CYFIP1: variants seen among roughly 807,000 people sequenced by gnomAD.
CYFIP1 encodes cytoplasmic FMR1-interacting protein 1.
Under a neutral mutation model 163.5 loss-of-function variants are expected in CYFIP1, and 58 were observed. That is an observed-to-expected ratio of 0.35 (90% CI 0.29 to 0.44). The LOEUF (loss-of-function observed/expected upper bound fraction) is 0.44. Among genes scored for constraint, CYFIP1 ranks in the 20% least tolerant of loss-of-function variants. The probability of loss-of-function intolerance (pLI) is 1.00; values close to 1 mark genes in which losing one functional copy is unlikely to be tolerated. For synonymous variants in CYFIP1, 663 were observed against 660.7 expected, an observed-to-expected ratio of 1.00 and a Z score of -0.05; for missense variants, 1,338 against 1,653.8, an observed-to-expected ratio of 0.81 and a Z score of 3.31.
At chr15:22,926,186 GC>G in intron 12 of CYFIP1, 79 bp from the exon 13 acceptor site, 2 of 1,585,776 alleles carry the variant, frequency 1.3e-6, no homozygotes, top group East Asian at 4.5e-5. Context: ...CACGATGGTG[GC>G]CAAAGCCAGG....
chr15:22,954,342 G>A (rs989941381), intron 1 of CYFIP1, among the ~76,000 whole-genome samples: 9 of 152,212 alleles, frequency 5.9e-5, no homozygotes, highest in Non-Finnish European at 1.3e-4. Flanking sequence ...CCTGGCAAAT[G>A]AACACAGAGC....
At chr15:22,940,687 A>ATG (rs1242295150) in intron 6 of CYFIP1, among the ~76,000 whole-genome samples, 2 of 152,256 alleles carry the variant, frequency 1.3e-5, no homozygotes, top group African/African-American at 4.8e-5. Context: ...TGGGCTTTAA[A>ATG]TAATTGCATA....
At chr15:22,889,642 G>A (rs1008557310) in intron 23 of CYFIP1, among the ~76,000 whole-genome samples, 1 of 152,160 alleles carries the variant, frequency 6.6e-6, no homozygotes. Context: ...CCCCCCGCCT[G>A]CCTCCCTCGC....
At chr15:22,902,164 C>T (rs2060413616) in intron 22 of CYFIP1, among the ~76,000 whole-genome samples, 2 of 152,200 alleles carry the variant, frequency 1.3e-5, no homozygotes, top group African/African-American at 4.8e-5. Flanking sequence ...GTCCAGGGTC[C>T]CCCATGGGTC....
chr15:22,893,625 G>A (rs936763371), intron 22 of CYFIP1, among the ~76,000 whole-genome samples: 2 of 152,170 alleles, frequency 1.3e-5, no homozygotes, highest in Non-Finnish European at 2.9e-5. Flanking sequence ...TTCAGGAAAT[G>A]GAAACAGATG....
At chr15:22,902,843 C>T (rs1441632066) in intron 22 of CYFIP1, among the ~76,000 whole-genome samples, 4 of 152,214 alleles carry the variant, frequency 2.6e-5, no homozygotes, top group Non-Finnish European at 5.9e-5. Context: ...ACGACAGCCA[C>T]AGCAGGCAGG....
chr15:22,893,814 A>G (rs1038293488), intron 22 of CYFIP1, among the ~76,000 whole-genome samples: 1 of 152,126 alleles, frequency 6.6e-6, no homozygotes, highest in Non-Finnish European at 1.5e-5. Flanking sequence ...CACAGTCCTC[A>G]GTGCTTGGCA....
rs2142225659 is a variant in CYFIP1, at chr15:22,932,249, C to G, written c.1084G>C (p.Glu362Gln). The G allele has an allele frequency of 1.9e-6, 3 of 1,612,218 alleles. No individual in the cohort carries two copies. Among genetic ancestry groups the G allele is most frequent in the Non-Finnish European group, 2.5e-6 (3 of 1,179,144 alleles). The change falls in exon 11 of 31, where the codon GAG becomes CAG. Residue 362 changes from glutamate (E) to glutamine (Q), a missense_variant. Around this residue, in one of 4 missense-constraint regions of CYFIP1, gnomAD observed 824 missense variants for 995.7 expected, o/e 0.83. Coordinates refer to ENST00000617928, the MANE Select transcript of CYFIP1 (RefSeq NM_014608.6). ...TCGCTGTTGCTGTAGCGCGCCAGCT[C>G]CGAAATGAAGCGCATGTGGTCCTCG... ...IREDHMRFIS[E>Q]LARYSNSEVV... is the part of the protein sequence containing the mutation.
At position 22,913,548 on chromosome 15, in the gene CYFIP1, A is replaced by G. The variant is rs56203263; in HGVS notation, c.1985+1178T>C. 8.4e-3 allele frequency among the ~76,000 whole-genome samples: 1,191 copies of G among 141,486 alleles called. 30 individuals carry two copies. The highest frequency in any genetic ancestry group is 0.032 in the African/African-American group (1,093 of 34,492). 92.8% of individuals were successfully genotyped at this position (141,486 alleles called of 152,430 possible). On this transcript the variant is annotated intron_variant, in intron 17 of 30. Coordinates refer to ENST00000617928, the MANE Select transcript of CYFIP1 (RefSeq NM_014608.6). The stretch of plus-strand genomic sequence containing the variant: ...GTCTCAAAAAAAAAAAAAAAAAAAA[A>G]AAAGAAAGAAAGAAAAAAAAGAAAA...
Position 22,910,754 on chromosome 15 carries a change from A to G in CYFIP1, c.2142T>C (p.Tyr714=), listed in dbSNP as rs1423577965. 9.3e-6 allele frequency: 15 copies of G among 1,613,808 alleles called. No homozygotes were observed. Among genetic ancestry groups the G allele is most frequent in the South Asian group, 8.8e-5 (8 of 91,076 alleles). Residue 714 remains tyrosine, a synonymous_variant, in exon 19 of 31, where the codon TAT becomes TAC. Transcript: ENST00000617928. ...YKLADQIFAY[Y]KVMAGSLLLD... is the part of the protein sequence containing the mutation. ...ATACTCACCTTCCTGCCATAACCTTATAATAGGCAAATATCTGGTCTGCTA... is the reference window on the plus strand; with the variant it reads ...ATACTCACCTTCCTGCCATAACCTTGTAATAGGCAAATATCTGGTCTGCTA...
chr15:22,936,786 C>T (rs192123117), intron 9 of CYFIP1, among the ~76,000 whole-genome samples: 20 of 152,280 alleles, frequency 1.3e-4, no homozygotes, highest in African/African-American at 3.9e-4. Context: ...ACACCACAAC[C>T]GAAAGCTACA....
intron 11 of CYFIP1, among the ~76,000 whole-genome samples, chr15:22,929,441 G>A (rs574058911): frequency 6.6e-6 from 1 of 152,058 alleles, no homozygotes; most frequent in Non-Finnish European, 1.5e-5. Flanking sequence ...AGATCATCCT[G>A]GCCAACATGG....
chr15:22,879,877 TGGGGCGGGGA>T, intron 26 of CYFIP1, 26 bp downstream of exon 26: 1 of 1,133,404 alleles, frequency 8.8e-7, no homozygotes. Context: ...TGGGGTGGGC[TGGGGCGGGGA>T]GGGGCGGCGT....
Position 22,892,925 on chromosome 15 carries a change from G to T in CYFIP1, c.2641C>A (p.Pro881Thr). The T allele has an allele frequency of 1.2e-6, 2 of 1,613,686 alleles. No homozygotes were observed. Among genetic ancestry groups the T allele is most frequent in the South Asian group, 1.1e-5 (1 of 91,068 alleles). ...FSQEFQRDKQ[P>T]NAQPQYLHGS... ...TGCAGATACTGAGGCTGTGCATTAG[G>T]CTGCTTATCTCTTTGAAATTCCTGA... The change falls in exon 23 of 31, where the codon CCT becomes ACT. Residue 881 changes from proline (P) to threonine (T), a missense_variant. By Grantham distance (38) the Pro-to-Thr change is conservative (BLOSUM62 -1). Transcript: ENST00000617928.
chr15:22,916,840 C>A (rs1313620196), intron 15 of CYFIP1: 3 of 1,554,244 alleles, frequency 1.9e-6, no homozygotes, highest in Non-Finnish European at 2.6e-6. Flanking sequence ...GAGCAGTTCG[C>A]CTCCGTGCCA....
chr15:22,902,455 A>G (rs149276715), intron 22 of CYFIP1, among the ~76,000 whole-genome samples: 1 of 152,360 alleles, frequency 6.6e-6, no homozygotes, highest in East Asian at 1.9e-4. Flanking sequence ...TTTACCAAGG[A>G]AACCTCTGGG....
At position 22,868,621 on chromosome 15, in the gene CYFIP1, T is replaced by A. The variant is rs1451925976; in HGVS notation, c.*1407A>T. The A allele has an allele frequency of 3.2e-5, 3 of 93,484 alleles. No individual in the cohort carries two copies. The highest frequency in any genetic ancestry group is 8.1e-5 in the African/African-American group (2 of 24,562). The allele number at this position is 93,484 out of a possible 1,614,324, so 5.8% of individuals were successfully genotyped here. ...ACTTTTTATAAAGAAAGAATAATTG[T>A]TTGTTAGGCTTCATGTCACTTGAGT... is the stretch of plus-strand genomic sequence containing the variant. On this transcript the variant is annotated 3_prime_UTR_variant, in exon 31 of 31. Transcript: ENST00000617928.
At chr15:22,904,131 G>A (rs141141648) in intron 21 of CYFIP1, 131 of 590,230 alleles carry the variant, frequency 2.2e-4, no homozygotes, top group African/African-American at 1.6e-3. Flanking sequence ...TCACCTCCAC[G>A]CCACCTACCC....
chr15:22,980,512 C>T (rs954935280), upstream of CYFIP1: 1 of 152,066 alleles, frequency 6.6e-6, no homozygotes, highest in Admixed American at 6.5e-5. Flanking sequence ...CCGGGCGGCC[C>T]CTTTCCCCAC....
Sources: gnomAD v4.1 joint callset for allele counts (sites outside exome capture counted in the v4.1 genomes callset) on GRCh38, gnomAD v4.1.1 for gene constraint, gnomAD v4.1.1 regional missense constraint, MANE v1.5 for transcripts, NCBI Gene and HGNC (gene_info 2026-07-23, HGNC 2026-07-21) for gene names.